Variants in STMN2 observed in about 807,000 individuals in gnomAD.
The protein encoded by STMN2 is stathmin 2, also known as stathmin-2.
In STMN2, 2 loss-of-function variants were observed where a neutral mutation model predicts 24.1. The ratio of observed to expected loss-of-function variants is 0.08; its 90% CI spans 0.03 to 0.26. The LOEUF (loss-of-function observed/expected upper bound fraction) is 0.26, where lower values mean the gene tolerates loss of function less well. STMN2 is among the 10% of genes least tolerant of loss of function. The pLI, the probability that STMN2 is intolerant of heterozygous loss-of-function variation, is 1.00. For synonymous variants in STMN2, 83 were observed against 77.5 expected (o/e 1.07, Z -0.37); for missense variants, 114 against 213.6 (o/e 0.53, Z 2.91).
At chr8:79,660,148 G>C (rs1046654153) in intron 4 of STMN2, among the ~76,000 whole-genome samples, 1 of 152,152 alleles carries the variant, frequency 6.6e-6, no homozygotes, top group Admixed American at 6.5e-5. Context: ...TTCCTCTCAA[G>C]CAATTCAGCA....
In STMN2 at chr8:79,627,504, A is replaced by G. The variant is rs891237478; in HGVS notation, c.20-9298A>G. 2.6e-5 allele frequency among the ~76,000 whole-genome samples: 4 copies of G among 152,344 alleles called. No homozygotes were observed. The East Asian group carries it at 7.7e-4, about 29-fold the overall frequency. Reference sequence around the variant, plus strand: ...GAATTCAAAGGGAGTTCCAGATGGCATCCAAAAAGCTTACAGTTTATGCAT... The same window carrying G: ...GAATTCAAAGGGAGTTCCAGATGGCGTCCAAAAAGCTTACAGTTTATGCAT... On this transcript the variant is annotated intron_variant, in intron 1 of 4. Transcript: ENST00000220876.
intron 3 of STMN2, among the ~76,000 whole-genome samples, chr8:79,644,836 GTGAAACAGTACTGTCCAA>G (rs1479426337): frequency 6.6e-6 from 1 of 152,112 alleles, no homozygotes; most frequent in East Asian, 1.9e-4. Context: ...AGGCAGCTCT[GTGAAACAGTACTGTCCAA>G]GGAATATAAC....
intron 1 of STMN2, among the ~76,000 whole-genome samples, chr8:79,635,013 A>G (rs1203434429): frequency 6.6e-6 from 1 of 152,138 alleles, no homozygotes; most frequent in East Asian, 1.9e-4. Flanking sequence ...ATTTTCTACC[A>G]TTTTCCTTAA....
intron 1 of STMN2, among the ~76,000 whole-genome samples, chr8:79,612,999 C>T (rs1267862560): frequency 6.6e-6 from 1 of 152,122 alleles, no homozygotes; most frequent in Non-Finnish European, 1.5e-5. Context: ...TGCAGAAAAG[C>T]TGGCTCGAGC....
chr8:79,644,253 C>T (rs889997845), intron 3 of STMN2, among the ~76,000 whole-genome samples: 1 of 152,200 alleles, frequency 6.6e-6, no homozygotes, highest in African/African-American at 2.4e-5. Context: ...GCATCAGGAA[C>T]AGCTGGATCC....
At chr8:79,658,394 C>A (rs189899095) in intron 4 of STMN2, among the ~76,000 whole-genome samples, 10 of 152,320 alleles carry the variant, frequency 6.6e-5, no homozygotes, top group Non-Finnish European at 1.3e-4. Flanking sequence ...TGAGTCCCTA[C>A]TATATGCTTA....
intron 3 of STMN2, among the ~76,000 whole-genome samples, chr8:79,645,506 A>G (rs1400686342): frequency 6.6e-6 from 1 of 152,214 alleles, no homozygotes; most frequent in Non-Finnish European, 1.5e-5. Context: ...GGGAAATTTT[A>G]GGCCTAAGTT....
In STMN2 at chr8:79,664,902, C is replaced by A. The variant is rs1162673651; in HGVS notation, c.*28C>A. On this transcript the variant is annotated 3_prime_UTR_variant, in exon 5 of 5. Coordinates refer to ENST00000220876, the MANE Select transcript of STMN2 (RefSeq NM_007029.4). Reference sequence around the variant, plus strand: ...CAAGGGAGGGTCTGGCACGCCCCACCAATAGTAAATCCCCCTGCCTATATT... The same window carrying A: ...CAAGGGAGGGTCTGGCACGCCCCACAAATAGTAAATCCCCCTGCCTATATT... The A allele has an allele frequency of 1.9e-6, 3 of 1,603,990 alleles. No individual in the cohort carries two copies. The highest frequency in any genetic ancestry group is 2.6e-6 in the Non-Finnish European group (3 of 1,175,184).
At chr8:79,646,339 A>G (rs772172359) in intron 3 of STMN2, among the ~76,000 whole-genome samples, 1 of 152,034 alleles carries the variant, frequency 6.6e-6, no homozygotes, top group African/African-American at 2.4e-5. Flanking sequence ...ATACATACAC[A>G]GCATATTAGA....
chr8:79,617,851 G>A (rs1300396235), intron 1 of STMN2, among the ~76,000 whole-genome samples: 1 of 152,170 alleles, frequency 6.6e-6, no homozygotes, highest in Non-Finnish European at 1.5e-5. Flanking sequence ...CCCTTGTATA[G>A]CACATATAAC....
chr8:79,650,009 G>A (rs955625907), intron 3 of STMN2, among the ~76,000 whole-genome samples: 5 of 152,110 alleles, frequency 3.3e-5, no homozygotes, highest in African/African-American at 1.2e-4. Context: ...GCCTAGAAAA[G>A]GTGCTCACCA....
At chr8:79,647,968 G>GC (rs1473641155) in intron 3 of STMN2, among the ~76,000 whole-genome samples, 1 of 152,162 alleles carries the variant, frequency 6.6e-6, no homozygotes, top group African/African-American at 2.4e-5. Context: ...ATCCCAGTTG[G>GC]CCCAGGACAA....
intron 3 of STMN2, among the ~76,000 whole-genome samples, chr8:79,654,581 A>G (rs773153984): frequency 5.9e-5 from 9 of 152,334 alleles, no homozygotes; most frequent in East Asian, 3.9e-4. Flanking sequence ...ACGCTTAGCA[A>G]CAAAGCCTTT....
intron 4 of STMN2, 86 bp from the exon 5 acceptor site, chr8:79,664,729 T>C: frequency 1.0e-5 from 13 of 1,298,666 alleles, no homozygotes; most frequent in South Asian, 1.6e-5. Context: ...GACACCAAAC[T>C]GGGTTACTTC....
At chr8:79,654,845 A>T in intron 3 of STMN2, 26 bp from the exon 4 acceptor site, 5 of 1,603,950 alleles carry the variant, frequency 3.1e-6, no homozygotes, top group Non-Finnish European at 4.3e-6. Flanking sequence ...GGATAATTAT[A>T]AGATGGCTAT....
At chr8:79,650,599 G>T (rs1356075648) in intron 3 of STMN2, among the ~76,000 whole-genome samples, 1 of 152,168 alleles carries the variant, frequency 6.6e-6, no homozygotes, top group Non-Finnish European at 1.5e-5. Context: ...ATGTTCATGT[G>T]AGAATCAATT....
At chr8:79,656,806 C>T (rs1298594500) in intron 4 of STMN2, among the ~76,000 whole-genome samples, 1 of 152,172 alleles carries the variant, frequency 6.6e-6, no homozygotes, top group Non-Finnish European at 1.5e-5. Flanking sequence ...ATTTATATCA[C>T]TGGCAGTCCT....
At chr8:79,629,753 T>G (rs1042245048) in intron 1 of STMN2, among the ~76,000 whole-genome samples, 1 of 152,200 alleles carries the variant, frequency 6.6e-6, no homozygotes, top group African/African-American at 2.4e-5. Context: ...AAGTACAATT[T>G]GTACACTACC....
At chr8:79,640,510 G>T (rs1810072568) in intron 2 of STMN2, among the ~76,000 whole-genome samples, 1 of 152,128 alleles carries the variant, frequency 6.6e-6, no homozygotes, top group Admixed American at 6.6e-5. Context: ...AGTAGATGTT[G>T]CCACTCCCTC....
Sources: gnomAD v4.1 joint callset for allele counts (sites outside exome capture counted in the v4.1 genomes callset) on GRCh38, gnomAD v4.1.1 for gene constraint, MANE v1.5 for transcripts, NCBI Gene and HGNC (gene_info 2026-07-23, HGNC 2026-07-21) for gene names.